MRGPRX2: variants seen among roughly 807,000 people sequenced by gnomAD.
The protein encoded by MRGPRX2 is MAS related GPR family member X2, also known as mas-related G protein-coupled receptor member X2.
For synonymous variants in MRGPRX2, 183 were observed against 175.6 expected, an observed-to-expected ratio of 1.04 and a Z score of -0.33; for missense variants, 389 against 404.5, an observed-to-expected ratio of 0.96 and a Z score of 0.33.
rs772105818 is a variant in MRGPRX2, at chr11:19,056,366, T to C, written c.37A>G (p.Thr13Ala). The C allele has an allele frequency of 9.9e-6, 16 of 1,613,436 alleles. No homozygotes were observed. The East Asian group carries it at 1.1e-4, about 11-fold the overall frequency. The change falls in exon 2 of 2, where the codon ACA becomes GCA. Residue 13 changes from threonine to alanine, a missense_variant. Coordinates refer to ENST00000329773, the MANE Select transcript of MRGPRX2 (RefSeq NM_054030.4). ...GCTTGGTCATTTCCATTCACTGTTG[T>C]ACTTTCTGTTCCCCAGGCCGGGGTG... ...PTTPAWGTESTTVNGNDQALL... is the reference protein window; with the variant it reads ...PTTPAWGTESATVNGNDQALL...
intron 1 of MRGPRX2, among the ~76,000 whole-genome samples, chr11:19,059,661 G>A (rs918355712): frequency 2.6e-5 from 4 of 152,036 alleles, no homozygotes; most frequent in Non-Finnish European, 4.4e-5. Flanking sequence ...CACATTAATA[G>A]AGAAAGTCTC....
intron 1 of MRGPRX2, among the ~76,000 whole-genome samples, chr11:19,058,453 C>T (rs1447629129): frequency 6.7e-6 from 1 of 150,374 alleles, no homozygotes; most frequent in Non-Finnish European, 1.5e-5. Context: ...TGGAGTCTCG[C>T]TCTGTCACCC....
intron 1 of MRGPRX2, 63 bp from the exon 2 acceptor site, chr11:19,056,490 T>A (rs1212059032): frequency 2.0e-6 from 3 of 1,487,174 alleles, no homozygotes; most frequent in African/African-American, 2.8e-5. Flanking sequence ...GACCAGCCTG[T>A]TATGTGGTAA....
At position 19,056,178 on chromosome 11, in the gene MRGPRX2, G is replaced by T. The variant is rs1249704945; in HGVS notation, c.225C>A (p.Asp75Glu). The change falls in exon 2 of 2, where the codon GAC becomes GAA. Residue 75 changes from aspartate to glutamate, a missense_variant. Asp to Glu is a conservative substitution (Grantham distance 45). Coordinates refer to ENST00000329773, the MANE Select transcript of MRGPRX2 (RefSeq NM_054030.4). ...TAATCTGGAAGCAGAGGAAGAGGAA[G>T]TCGGCCCCGGCCAGGCTGAGGACGT... ...SVYVLSLAGA[D>E]FLFLCFQIIN... The T allele has an allele frequency of 6.8e-6, 11 of 1,614,248 alleles. No individual in the cohort carries two copies. Among genetic ancestry groups the T allele is most frequent in the Non-Finnish European group, 9.3e-6 (11 of 1,180,036 alleles).
rs11024970 is a variant in MRGPRX2 at position 19,056,357 on chromosome 11, T to C, written c.46A>G (p.Asn16Asp). ...AGAAGAAGGGCTTGGTCATTTCCAT[T>C]CACTGTTGTACTTTCTGTTCCCCAG... ...PAWGTESTTV[N>D]GNDQALLLLC... is the part of the protein sequence containing the mutation. Residue 16 changes from asparagine to aspartate, a missense_variant, in exon 2 of 2, where the codon AAT becomes GAT. Transcript: ENST00000329773. 4 of 1,614,058 alleles carry C rather than the reference T, an allele frequency of 2.5e-6. No homozygotes were observed. The highest frequency in any genetic ancestry group is 1.3e-5 in the African/African-American group (1 of 74,974).
Position 19,056,429 on chromosome 11 carries a change from T to A in MRGPRX2, c.-25-2A>T, listed in dbSNP as rs1849621283. Reference sequence around the variant, plus strand: ...CTCAGAAAACCTCCACTGGTGCCCCTGGAAACAAAAACAAGACTTGAGCAC... The same window carrying A: ...CTCAGAAAACCTCCACTGGTGCCCCAGGAAACAAAAACAAGACTTGAGCAC... On this transcript the variant is annotated splice_acceptor_variant, in intron 1 of 1. Coordinates refer to ENST00000329773, the MANE Select transcript of MRGPRX2 (RefSeq NM_054030.4). LOFTEE classifies it low-confidence loss of function (5UTR_SPLICE). 6.3e-7 allele frequency: 1 copy of A among 1,586,820 alleles called. No homozygotes were observed. The highest frequency in any genetic ancestry group is 8.6e-7 in the Non-Finnish European group (1 of 1,164,602).
At chr11:19,060,054 A>G (rs972767744) in intron 1 of MRGPRX2, among the ~76,000 whole-genome samples, 2 of 152,140 alleles carry the variant, frequency 1.3e-5, no homozygotes, top group Non-Finnish European at 2.9e-5. Context: ...GCTACAGCAC[A>G]TTCTGAGTTC....
Position 19,055,220 on chromosome 11 carries a change from T to TGTG in MRGPRX2, c.*187_*189dup. The stretch of plus-strand genomic sequence containing the variant: ...CTCTCATAGGGCTGTGGTGGAAGCC[T>TGTG]GTGAGTAAGGCAGTTCCAGAGACAC... On this transcript the variant is annotated 3_prime_UTR_variant, in exon 2 of 2. Transcript: ENST00000329773. The TGTG allele has an allele frequency of 1.7e-6, 1 of 592,160 alleles. No individual in the cohort carries two copies. The highest frequency in any genetic ancestry group is 1.8e-5 in the African/African-American group (1 of 54,200). The allele number at this position is 592,160 out of a possible 1,614,324, so 36.7% of individuals were successfully genotyped here. A position where few individuals can be genotyped will look rare whatever the true frequency, so the allele number is the denominator to read the frequency against.
At chr11:19,056,876 A>T (rs1451750736) in intron 1 of MRGPRX2, among the ~76,000 whole-genome samples, 1 of 152,214 alleles carries the variant, frequency 6.6e-6, no homozygotes, top group Non-Finnish European at 1.5e-5. Context: ...AGAGGAGTCC[A>T]TCAACAGTCA....
rs770852677 is a variant in MRGPRX2 at position 19,055,182 on chromosome 11, A to G, written c.*228T>C. 3 of 505,474 alleles carry G rather than the reference A, an allele frequency of 5.9e-6. No individual in the cohort carries two copies. Among genetic ancestry groups the G allele is most frequent in the Non-Finnish European group, 1.1e-5 (3 of 285,344 alleles). 31.3% of individuals were successfully genotyped at this position (505,474 alleles called of 1,614,324 possible). ...AAAAGTGGGAACAGTCATGGACCGC[A>G]GAGTTGGCAAAGCTCTCATAGGGCT... On this transcript the variant is annotated 3_prime_UTR_variant, in exon 2 of 2. Coordinates refer to ENST00000329773, the MANE Select transcript of MRGPRX2 (RefSeq NM_054030.4).
In MRGPRX2 at chr11:19,056,117, A is replaced by G; in HGVS notation, c.286T>C (p.Ser96Pro). 1 of 1,614,226 alleles carries G rather than the reference A, an allele frequency of 6.2e-7. No homozygotes were observed. The highest frequency in any genetic ancestry group is 8.5e-7 in the Non-Finnish European group (1 of 1,180,050). The change falls in exon 2 of 2, where the codon TCC becomes CCC. Residue 96 changes from serine to proline, a missense_variant. Coordinates refer to ENST00000329773, the MANE Select transcript of MRGPRX2 (RefSeq NM_054030.4). ...CLVYLSNFFC[S>P]ISINFPSFFT... ...AAGCTAGGGAAATTGATGGAGATGG[A>G]ACAGAAGAAGTTACTGAGGTACACC...
rs1849660771 is a variant in MRGPRX2 at position 19,060,627 on chromosome 11, C to T, written c.-34G>A. ...CTTGAACAAACTCTTACCTTAACAC[C>T]CTTCTTTCTACTGGAGTTGGTGAGT... On this transcript the variant is annotated 5_prime_UTR_variant, in exon 1 of 2. Transcript: ENST00000329773. 1 of 152,138 alleles carries T rather than the reference C, an allele frequency of 6.6e-6. No individual in the cohort carries two copies. Among genetic ancestry groups the T allele is most frequent in the Admixed American group, 6.6e-5 (1 of 15,266 alleles). 9.4% of individuals were successfully genotyped at this position (152,138 alleles called of 1,614,324 possible).
At chr11:19,060,471 C>G (rs538252500) in intron 1 of MRGPRX2, 148 bp downstream of exon 1, 1 of 152,204 alleles carries the variant, frequency 6.6e-6, no homozygotes. Context: ...TGACCCCATT[C>G]GGATCTCCCA....
At chr11:19,057,486 G>T (rs1503504) in intron 1 of MRGPRX2, among the ~76,000 whole-genome samples, 45,688 of 152,056 alleles carry the variant, frequency 0.3, 7,220 homozygotes, top group African/African-American at 0.41. Flanking sequence ...AGAGTGTCTA[G>T]TGTCTAGAGG....
intron 1 of MRGPRX2, among the ~76,000 whole-genome samples, chr11:19,059,162 C>A (rs1849645316): frequency 6.6e-6 from 1 of 152,188 alleles, no homozygotes; most frequent in South Asian, 2.1e-4. Flanking sequence ...CTCAGCTTCC[C>A]TTTATGCTAA....
chr11:19,059,929 C>G (rs910871500), intron 1 of MRGPRX2, among the ~76,000 whole-genome samples: 19 of 152,192 alleles, frequency 1.2e-4, no homozygotes, highest in African/African-American at 4.1e-4. Flanking sequence ...CTGGCTCTCT[C>G]CCTGCGCCCT....
rs368778856 is a variant in MRGPRX2 at position 19,055,657 on chromosome 11, A to T, written c.746T>A (p.Ile249Asn). The T allele has an allele frequency of 6.2e-7, 1 of 1,614,232 alleles. No homozygotes were observed. Residue 249 changes from isoleucine (I) to asparagine (N), a missense_variant, in exon 2 of 2, where the codon ATC becomes AAC. Transcript: ENST00000329773. ...FGIQWFLILW[I>N]WKDSDVLFCH... Reference sequence around the variant, plus strand: ...AAATAAGACATCAGAATCCTTCCAGATCCATAATATTAGGAACCACTGAAT... The same window carrying T: ...AAATAAGACATCAGAATCCTTCCAGTTCCATAATATTAGGAACCACTGAAT...
At chr11:19,056,479 T>G in intron 1 of MRGPRX2, 52 bp from the exon 2 acceptor site, 1 of 1,517,656 alleles carries the variant, frequency 6.6e-7, no homozygotes, top group Non-Finnish European at 8.9e-7. Context: ...CTGATTTTCA[T>G]GACCAGCCTG....
chr11:19,057,404 G>T (rs1590039677), intron 1 of MRGPRX2, among the ~76,000 whole-genome samples: 1 of 152,206 alleles, frequency 6.6e-6, no homozygotes, highest in East Asian at 1.9e-4. Flanking sequence ...AGGATTCAGG[G>T]TTTATCTGAA....
Sources: gnomAD v4.1 joint callset for allele counts (sites outside exome capture counted in the v4.1 genomes callset) on GRCh38, gnomAD v4.1.1 for gene constraint, MANE v1.5 for transcripts, NCBI Gene and HGNC (gene_info 2026-07-23, HGNC 2026-07-21) for gene names.